The following SLC6A6 variants were observed in gnomAD, a reference collection of about 807,000 sequenced individuals.
SLC6A6 encodes solute carrier family 6 member 6.
Under a neutral mutation model 68.8 loss-of-function variants are expected in SLC6A6, and 16 were observed. That is an observed-to-expected ratio of 0.23 (90% CI 0.16 to 0.35). The LOEUF (loss-of-function observed/expected upper bound fraction) is 0.35. Among genes scored for constraint, SLC6A6 ranks in the 10% least tolerant of loss-of-function variants. The pLI is 1.00. For synonymous variants in SLC6A6, 312 were observed against 315.4 expected, an observed-to-expected ratio of 0.99 and a Z score of 0.12; for missense variants, 474 against 802.8, an observed-to-expected ratio of 0.59 and a Z score of 4.95.
At chr3:14,449,719 G>C (rs2124954866) in intron 5 of SLC6A6, among the ~76,000 whole-genome samples, 1 of 152,242 alleles carries the variant, frequency 6.6e-6, no homozygotes, top group Middle Eastern at 3.4e-3. Context: ...ATCCTGGGTG[G>C]CCAGCCCTGA....
At chr3:14,422,179 C>T (rs1384809495) in intron 2 of SLC6A6, among the ~76,000 whole-genome samples, 5 of 152,180 alleles carry the variant, frequency 3.3e-5, no homozygotes, top group Non-Finnish European at 7.3e-5. Context: ...CCTGGGGCTG[C>T]AGACAGCCTC....
At chr3:14,408,889 C>T (rs1032960407) in intron 1 of SLC6A6, among the ~76,000 whole-genome samples, 31 of 152,186 alleles carry the variant, frequency 2.0e-4, no homozygotes, top group African/African-American at 6.5e-4. Flanking sequence ...TCACTGCAAG[C>T]TCCGCCTCCT....
chr3:14,428,681 A>T (rs1461893979), intron 2 of SLC6A6, among the ~76,000 whole-genome samples: 3 of 152,290 alleles, frequency 2.0e-5, no homozygotes, highest in Non-Finnish European at 2.9e-5. Context: ...CTGCACCTCC[A>T]GGCTGCTGAG....
At chr3:14,406,887 G>A (rs1000417189) in intron 1 of SLC6A6, among the ~76,000 whole-genome samples, 15 of 152,142 alleles carry the variant, frequency 9.9e-5, no homozygotes, top group African/African-American at 3.6e-4. Context: ...GGAATGATGG[G>A]GGAGGCAGGT....
At position 14,447,926 on chromosome 3, in the gene SLC6A6, G is replaced by A. The variant is rs1281186800; in HGVS notation, c.599+110G>A. ...CAGGAGCCACTGTCTTCGGGGGAGT[G>A]GGAGGAGGGTGCAGATCTGGAGATA... On this transcript the variant is annotated intron_variant, in intron 5 of 14. Coordinates refer to ENST00000622186, the MANE Select transcript of SLC6A6 (RefSeq NM_003043.6). 2.6e-6 allele frequency: 4 copies of A among 1,511,232 alleles called. No homozygotes were observed. In the African/African-American group the frequency reaches 5.5e-5, roughly 21 times the overall value. 93.6% of individuals were successfully genotyped at this position (1,511,232 alleles called of 1,614,324 possible). A position where few individuals can be genotyped will look rare whatever the true frequency, so the allele number is the denominator to read the frequency against.
chr3:14,444,083 G>T, intron 3 of SLC6A6: 1 of 531,758 alleles, frequency 1.9e-6, no homozygotes, highest in Non-Finnish European at 3.4e-6. Flanking sequence ...GGGCCTTTCT[G>T]TGTTACCTTG....
rs774852961 is a variant in SLC6A6 at position 14,477,191 on chromosome 3, C to T, written c.1210-14C>T. On this transcript the variant is annotated splice_polypyrimidine_tract_variant and intron_variant, in intron 10 of 14. Transcript: ENST00000622186. The surrounding 1 kb of genome is among the most constrained non-coding windows in gnomAD (Gnocchi z 4.2). The stretch of plus-strand genomic sequence containing the variant: ...CGTCAGCCGCTCACCAGCTCTCTCT[C>T]TTCCCCTCCTCAGTTTGTTGAAGTT... 2 of 1,607,412 alleles carry T rather than the reference C, an allele frequency of 1.2e-6. No homozygotes were observed. The highest frequency in any genetic ancestry group is 1.7e-6 in the Non-Finnish European group (2 of 1,175,562).
intron 2 of SLC6A6, among the ~76,000 whole-genome samples, chr3:14,442,962 G>C (rs1482474019): frequency 6.6e-6 from 1 of 152,188 alleles, no homozygotes; most frequent in Non-Finnish European, 1.5e-5. Flanking sequence ...CTAGAGATGT[G>C]ACTGGTTAAT....
At chr3:14,475,224 G>T (rs1160454294) in intron 10 of SLC6A6, among the ~76,000 whole-genome samples, 3 of 152,110 alleles carry the variant, frequency 2.0e-5, no homozygotes, top group African/African-American at 7.2e-5. Context: ...TAGAAACAGG[G>T]TTTTGTCATG....
intron 3 of SLC6A6, among the ~76,000 whole-genome samples, chr3:14,445,425 GAAAAAAAA>G (rs1209958569): frequency 1.9e-5 from 2 of 103,370 alleles, no homozygotes; most frequent in African/African-American, 3.6e-5. Context: ...CACCTCAAAA[GAAAAAAAA>G]AAAAGAAAAA....
chr3:14,468,493 C>A lies in SLC6A6; in HGVS notation c.1096+281C>A, dbSNP rs571362320. The stretch of plus-strand genomic sequence containing the variant: ...ACCTTAGTGTGGTCTTCCCCGCCCC[C>A]CCGTCCTTCCCCAGCAAACTCCTGG... On this transcript the variant is annotated intron_variant, in intron 9 of 14. Coordinates refer to ENST00000622186, the MANE Select transcript of SLC6A6 (RefSeq NM_003043.6). The surrounding 1 kb of genome is among the most constrained non-coding windows in gnomAD (Gnocchi z 4.5). Among the ~76,000 whole-genome samples, 1 of 152,094 alleles carries A rather than the reference C, an allele frequency of 6.6e-6. No homozygotes were observed. The highest frequency in any genetic ancestry group is 1.9e-4 in the East Asian group (1 of 5,190).
In SLC6A6 at chr3:14,447,578, G is replaced by A; in HGVS notation, c.365-4G>A. 1 of 1,614,174 alleles carries A rather than the reference G, an allele frequency of 6.2e-7. No homozygotes were observed. Among genetic ancestry groups the A allele is most frequent in the Non-Finnish European group, 8.5e-7 (1 of 1,180,000 alleles). Reference sequence around the variant, plus strand: ...TTTACTCATCTCATTTGCCCAACCTGCAGGTATCGGCTATGCCTCCGTTGT... The same window carrying A: ...TTTACTCATCTCATTTGCCCAACCTACAGGTATCGGCTATGCCTCCGTTGT... On this transcript the variant is annotated splice_region_variant and splice_polypyrimidine_tract_variant and intron_variant, in intron 4 of 14. Transcript: ENST00000622186.
chr3:14,457,040 A>C (rs2124965787), intron 5 of SLC6A6, among the ~76,000 whole-genome samples: 1 of 152,344 alleles, frequency 6.6e-6, no homozygotes. Context: ...CTGGGCTGTC[A>C]GTACCCTGCA....
intron 2 of SLC6A6, among the ~76,000 whole-genome samples, chr3:14,417,470 G>T (rs1273002775): frequency 6.6e-6 from 1 of 151,996 alleles, no homozygotes; most frequent in South Asian, 2.1e-4. Flanking sequence ...CGTGGCTCAC[G>T]CCTGGGATCC....
chr3:14,435,304 G>T (rs866970245), intron 2 of SLC6A6, among the ~76,000 whole-genome samples: 7 of 152,216 alleles, frequency 4.6e-5, no homozygotes, highest in Admixed American at 2.0e-4. Context: ...AGGCTTTTCT[G>T]CAGGGCTTAG....
chr3:14,421,558 T>A (rs912612972), intron 2 of SLC6A6, among the ~76,000 whole-genome samples: 1 of 152,218 alleles, frequency 6.6e-6, no homozygotes, highest in Non-Finnish European at 1.5e-5. Context: ...CTTCAATAAA[T>A]GAAGTTAACA....
rs750171386 is a variant in SLC6A6 at position 14,472,585 on chromosome 3, CA to C, written c.1209+269del. ...CATTATCTGCTAGCAGAGGGGCATC[CA>C]GAGGTTCTCGGAGTGGGTGGGTTAT... On this transcript the variant is annotated intron_variant, in intron 10 of 14. Coordinates refer to ENST00000622186, the MANE Select transcript of SLC6A6 (RefSeq NM_003043.6). This position sits in a 1 kb window ranked among gnomAD's most constrained non-coding sequence, Gnocchi z 4.5. Among the ~76,000 whole-genome samples the C allele has an allele frequency of 9.1e-4, 138 of 152,312 alleles. No homozygotes were observed. The highest frequency in any genetic ancestry group is 1.7e-3 in the Non-Finnish European group (113 of 68,036).
At chr3:14,413,745 C>T (rs1046684791) in intron 1 of SLC6A6, among the ~76,000 whole-genome samples, 1 of 152,126 alleles carries the variant, frequency 6.6e-6, no homozygotes, top group South Asian at 2.1e-4. Context: ...AATCCTTGCC[C>T]GTGATAACTA....
At chr3:14,437,829 A>G (rs1040443849) in intron 2 of SLC6A6, among the ~76,000 whole-genome samples, 1 of 149,968 alleles carries the variant, frequency 6.7e-6, no homozygotes, top group Non-Finnish European at 1.5e-5. Context: ...ATTTTATTTT[A>G]TTTATTTTAT....
Sources: allele counts gnomAD v4.1 joint callset (sites outside exome capture counted in the v4.1 genomes callset), GRCh38; gene constraint gnomAD v4.1.1; non-coding constraint Gnocchi (gnomAD v3.1); transcripts MANE v1.5; gene names NCBI Gene and HGNC (gene_info 2026-07-23, HGNC 2026-07-21).